The following FRMPD4 variants were observed in gnomAD, a reference collection of about 807,000 sequenced individuals.
FRMPD4 encodes FERM and PDZ domain containing 4, also known as FERM and PDZ domain-containing protein 4.
Under a neutral mutation model 94.1 loss-of-function variants are expected in FRMPD4, and 22 were observed. The ratio of observed to expected loss-of-function variants is 0.23; its 90% CI spans 0.17 to 0.33. The LOEUF (loss-of-function observed/expected upper bound fraction) is 0.33. Ranked by LOEUF, FRMPD4 falls within the 10% of genes least tolerant of loss-of-function variation. The pLI, the probability that FRMPD4 is intolerant of heterozygous loss-of-function variation, is 1.00. For synonymous variants in FRMPD4, 631 were observed against 548.6 expected (o/e 1.15, Z -2.10); for missense variants, 1,111 against 1,339.9 (o/e 0.83, Z 2.67).
intron 1 of FRMPD4, among the ~76,000 whole-genome samples, chrX:12,427,213 C>T (rs140009550): frequency 0.013 from 1,494 of 111,564 alleles, 25 homozygotes; most frequent in African/African-American, 0.046. Context: ...ACTTTATCAC[C>T]GCATATTTAA....
intron 1 of FRMPD4, among the ~76,000 whole-genome samples, chrX:12,204,804 G>T (rs1234394586): frequency 9.0e-6 from 1 of 111,259 alleles, no homozygotes; most frequent in Non-Finnish European, 1.9e-5. Context: ...CTGGAGCAAA[G>T]CTGATGGCAT....
intron 1 of FRMPD4, among the ~76,000 whole-genome samples, chrX:12,434,579 C>A (rs1373304894): frequency 8.9e-6 from 1 of 112,734 alleles, no homozygotes; most frequent in Non-Finnish European, 1.9e-5. Context: ...TTAGTTACAT[C>A]ACATGCCCTT....
chrX:12,682,856 A>C (rs1350571021), intron 5 of FRMPD4, among the ~76,000 whole-genome samples: 2 of 111,959 alleles, frequency 1.8e-5, no homozygotes, highest in East Asian at 5.6e-4. Context: ...GTCAACTTTC[A>C]ATTGTAATGA....
At chrX:12,684,868 C>T (rs759124887) in intron 6 of FRMPD4, among the ~76,000 whole-genome samples, 9 of 112,286 alleles carry the variant, frequency 8.0e-5, no homozygotes, top group African/African-American at 2.9e-4. Context: ...TGTGTAAGGA[C>T]ACCTCTGAGG....
At chrX:12,426,245 C>T (rs758646171) in intron 1 of FRMPD4, among the ~76,000 whole-genome samples, 8 of 110,934 alleles carry the variant, frequency 7.2e-5, no homozygotes, top group Non-Finnish European at 1.3e-4. Context: ...ATTATAGAAA[C>T]AAGATAGTAA....
chrX:12,468,678 C>T (rs757890415), intron 1 of FRMPD4, among the ~76,000 whole-genome samples: 2 of 111,542 alleles, frequency 1.8e-5, no homozygotes, highest in Non-Finnish European at 3.8e-5. Context: ...AAAGGGGACC[C>T]AAGTAGAGAG....
chrX:12,611,208 T>C (rs2059180043), intron 3 of FRMPD4, among the ~76,000 whole-genome samples: 1 of 111,707 alleles, frequency 9.0e-6, no homozygotes, highest in South Asian at 3.8e-4. Context: ...TATATATGTA[T>C]TTATATGCTT....
chrX:12,182,697 G>GA (rs758137619), intron 1 of FRMPD4, among the ~76,000 whole-genome samples: 1 of 110,893 alleles, frequency 9.0e-6, no homozygotes, highest in East Asian at 2.8e-4. Flanking sequence ...CAAATGCCTG[G>GA]AAAGGTGAGG....
intron 2 of FRMPD4, among the ~76,000 whole-genome samples, chrX:11,874,648 T>C (rs2053773676): frequency 8.9e-6 from 1 of 111,892 alleles, no homozygotes; most frequent in Non-Finnish European, 1.9e-5. Flanking sequence ...GCTTGCATTC[T>C]ACAGTGAATA....
At chrX:12,130,442 T>C (rs2055542729) in intron 3 of FRMPD4, among the ~76,000 whole-genome samples, 1 of 110,853 alleles carries the variant, frequency 9.0e-6, no homozygotes, top group Non-Finnish European at 1.9e-5. Flanking sequence ...AGAAGGAACT[T>C]CATTTCCACA....
intron 3 of FRMPD4, among the ~76,000 whole-genome samples, chrX:12,122,303 C>T (rs1356149168): frequency 1.8e-5 from 2 of 112,080 alleles, no homozygotes; most frequent in Non-Finnish European, 3.8e-5. Flanking sequence ...AAATGTTGTT[C>T]CTTTGTGTTC....
At chrX:12,354,832 T>A (rs2055870153) in intron 1 of FRMPD4, among the ~76,000 whole-genome samples, 1 of 112,349 alleles carries the variant, frequency 8.9e-6, no homozygotes, top group Non-Finnish European at 1.9e-5. Context: ...TCCACTAATG[T>A]CAAGTGACAG....
intron 1 of FRMPD4, among the ~76,000 whole-genome samples, chrX:12,250,478 T>C (rs1441934150): frequency 8.9e-6 from 1 of 111,996 alleles, no homozygotes; most frequent in Non-Finnish European, 1.9e-5. Flanking sequence ...AATACTCTAC[T>C]ATAAAACCAT....
At chrX:12,498,643 T>C (rs1374312424) in intron 1 of FRMPD4, 37 bp from the exon 2 acceptor site, 2 of 745,465 alleles carry the variant, frequency 2.7e-6, no homozygotes, top group Admixed American at 2.2e-5. Context: ...TGTTCAGGAG[T>C]CAGGTGTAAT....
chrX:12,331,800 ATTATATATAT>A (rs2055399180), intron 1 of FRMPD4, among the ~76,000 whole-genome samples: 4 of 37,483 alleles, frequency 1.1e-4, no homozygotes, highest in African/African-American at 5.8e-4. Context: ...CTGTATATAA[ATTATATATAT>A]TTATATACTA....
chrX:12,318,166 T>C (rs980613539), intron 1 of FRMPD4, among the ~76,000 whole-genome samples: 3 of 112,731 alleles, frequency 2.7e-5, no homozygotes, highest in African/African-American at 9.7e-5. Context: ...CAAATGGAAT[T>C]GTAGGACATT....
rs1051607572 is a variant in FRMPD4, at chrX:12,369,073, A to G, written c.42-129607A>G. The stretch of plus-strand genomic sequence containing the variant: ...CTTTAGCTACTCTCTCTCTCTCTTC[A>G]TCAGTAGCCCCCAGAAAACAGAACT... On this transcript the variant is annotated intron_variant, in intron 1 of 16. Coordinates refer to ENST00000675598, the MANE Select transcript of FRMPD4 (RefSeq NM_001368397.1). Among the ~76,000 whole-genome samples, 3 of 109,555 alleles carry G rather than the reference A, an allele frequency of 2.7e-5. No homozygotes were observed. In the East Asian group the frequency reaches 8.5e-4, roughly 31 times the overall value.
At chrX:12,455,018 T>G (rs1241536860) in intron 1 of FRMPD4, among the ~76,000 whole-genome samples, 1 of 110,780 alleles carries the variant, frequency 9.0e-6, no homozygotes, top group Non-Finnish European at 1.9e-5. Flanking sequence ...AATTACCATA[T>G]AGCCATTATA....
intron 1 of FRMPD4, among the ~76,000 whole-genome samples, chrX:12,381,026 C>A (rs1279973542): frequency 9.0e-6 from 1 of 111,649 alleles, no homozygotes; most frequent in East Asian, 2.8e-4. Context: ...CTCAGGGTGC[C>A]CTCTAGAGTC....
Sources: gnomAD v4.1 joint callset for allele counts (sites outside exome capture counted in the v4.1 genomes callset) on GRCh38, gnomAD v4.1.1 for gene constraint, MANE v1.5 for transcripts, NCBI Gene and HGNC (gene_info 2026-07-23, HGNC 2026-07-21) for gene names.